Variants in LARP1B observed in about 807,000 individuals in gnomAD.
The protein encoded by LARP1B is La ribonucleoprotein 1B.
In LARP1B, 76 loss-of-function variants were observed where a neutral mutation model predicts 114.2. The observed-to-expected ratio is 0.67, with a 90% CI of 0.55 to 0.81. LARP1B has a LOEUF of 0.81. Among genes scored for constraint, LARP1B ranks in the 30% least tolerant of loss-of-function variants. LARP1B has a pLI of 0.00. For synonymous variants in LARP1B, 345 were observed against 348.0 expected (o/e 0.99, Z 0.10); for missense variants, 1,014 against 1,075.8 (o/e 0.94, Z 0.80).
intron 11 of LARP1B, among the ~76,000 whole-genome samples, chr4:128,137,690 A>G (rs1725979009): frequency 6.6e-6 from 1 of 151,530 alleles, no homozygotes; most frequent in East Asian, 1.9e-4. Flanking sequence ...CACCTCAAAC[A>G]TTTATCATTT....
downstream of LARP1B, among the ~76,000 whole-genome samples, chr4:128,214,111 G>A (rs1466394228): frequency 9.2e-5 from 13 of 141,544 alleles, no homozygotes; most frequent in East Asian, 6.1e-4. Flanking sequence ...AAAAAACGGC[G>A]CACCACGAGA....
chr4:128,062,058 C>T (rs1760351605), intron 1 of LARP1B: 2 of 985,360 alleles, frequency 2.0e-6, no homozygotes, highest in Middle Eastern at 5.2e-4. Context: ...CGGGATCCGC[C>T]GGCCGAGGAC....
At chr4:128,105,668 G>A (rs1024334155) in intron 8 of LARP1B, among the ~76,000 whole-genome samples, 1 of 152,104 alleles carries the variant, frequency 6.6e-6, no homozygotes, top group African/African-American at 2.4e-5. Flanking sequence ...GAGGCGGGTG[G>A]ATCATGAGGT....
Position 128,074,495 on chromosome 4 carries a change from C to G in LARP1B, c.-42C>G, listed in dbSNP as rs868333172. ...CCTCAAAATTATAAAGGCAGGAAAG[C>G]TCAAGACAAAGAAATCCAACAAGGT... On this transcript the variant is annotated 5_prime_UTR_variant, in exon 2 of 20. Transcript: ENST00000326639. The G allele has an allele frequency of 2.1e-6, 2 of 932,266 alleles. No individual in the cohort carries two copies. The highest frequency in any genetic ancestry group is 3.6e-5 in the African/African-American group (2 of 56,304). The allele number at this position is 932,266 out of a possible 1,614,324, so 57.7% of individuals were successfully genotyped here.
intron 7 of LARP1B, among the ~76,000 whole-genome samples, chr4:128,220,799 A>G (rs1204997137): frequency 6.6e-6 from 1 of 152,206 alleles, no homozygotes; most frequent in Non-Finnish European, 1.5e-5. Context: ...TAGTTAAGTC[A>G]CACAGCAAGT....
chr4:128,136,252 C>T (rs1273050489), intron 11 of LARP1B, among the ~76,000 whole-genome samples: 1 of 150,456 alleles, frequency 6.6e-6, no homozygotes, highest in African/African-American at 2.4e-5. Flanking sequence ...GAGATTGCGC[C>T]ATCGTACTTC....
At chr4:128,189,968 T>A (rs1751681705) in intron 15 of LARP1B, among the ~76,000 whole-genome samples, 1 of 152,262 alleles carries the variant, frequency 6.6e-6, no homozygotes, top group African/African-American at 2.4e-5. Flanking sequence ...GGATTACATG[T>A]AACAATTACT....
rs1758879589 is a variant in LARP1B, at chr4:128,210,969, G to A, written c.*916G>A. 2.1e-6 allele frequency: 2 copies of A among 936,182 alleles called. No homozygotes were observed. The highest frequency in any genetic ancestry group is 1.3e-6 in the Non-Finnish European group (1 of 785,154). The allele number at this position is 936,182 out of a possible 1,614,324, so 58.0% of individuals were successfully genotyped here. On this transcript the variant is annotated 3_prime_UTR_variant, in exon 20 of 20. Coordinates refer to ENST00000326639, the MANE Select transcript of LARP1B (RefSeq NM_018078.4). ...AGTCAGATTATCTTTAATTTAAAAT[G>A]AATACTTAGTTTTACCTTTTTGTTT... is the stretch of plus-strand genomic sequence containing the variant.
chr4:128,104,158 A>G (rs998991368), intron 8 of LARP1B, among the ~76,000 whole-genome samples: 1 of 151,848 alleles, frequency 6.6e-6, no homozygotes, highest in African/African-American at 2.4e-5. Flanking sequence ...TTTCCTATGT[A>G]TACGGTCAGG....
chr4:128,164,727 A>C (rs997196193), intron 12 of LARP1B, among the ~76,000 whole-genome samples: 1 of 152,200 alleles, frequency 6.6e-6, no homozygotes, highest in African/African-American at 2.4e-5. Flanking sequence ...CGGGAGGCCA[A>C]GGCAGGAGGA....
chr4:128,102,765 T>C (rs1780744144), intron 8 of LARP1B, among the ~76,000 whole-genome samples: 1 of 152,238 alleles, frequency 6.6e-6, no homozygotes, highest in Non-Finnish European at 1.5e-5. Context: ...ACGTAATATC[T>C]TCATGCTTCA....
chr4:128,148,208 A>G (rs767643751), intron 11 of LARP1B, among the ~76,000 whole-genome samples: 2 of 152,312 alleles, frequency 1.3e-5, no homozygotes, highest in African/African-American at 2.4e-5. Context: ...AGGCAGGTAG[A>G]TCACCTAAGG....
Position 128,121,940 on chromosome 4 carries a change from A to C in LARP1B, c.1276A>C (p.Asn426His), listed in dbSNP as rs559945023. Residue 426 changes from asparagine (N) to histidine (H), a missense_variant, in exon 11 of 20, where the codon AAC becomes CAC. By Grantham distance (68) the Asn-to-His change is moderately conservative (BLOSUM62 1). Coordinates refer to ENST00000326639, the MANE Select transcript of LARP1B (RefSeq NM_018078.4). ...DEEIEQIGRK[N>H]TFTDWSDNDS... Reference sequence around the variant, plus strand: ...AGAGATTGAACAAATAGGACGAAAAAACACATTTACTGATTGGTCTGATAA... The same window carrying C: ...AGAGATTGAACAAATAGGACGAAAACACACATTTACTGATTGGTCTGATAA... 5 of 1,612,892 alleles carry C rather than the reference A, an allele frequency of 3.1e-6. No individual in the cohort carries two copies. In the East Asian group the frequency reaches 1.1e-4, roughly 36 times the overall value.
At position 128,128,960 on chromosome 4, in the gene LARP1B, C is replaced by G. The variant is rs1452827550; in HGVS notation, c.1524+6772C>G. 3.9e-5 allele frequency among the ~76,000 whole-genome samples: 6 copies of G among 151,900 alleles called. No individual in the cohort carries two copies. In the East Asian group the frequency reaches 1.2e-3, roughly 29 times the overall value. ...TGGGCAGATCACGAGGTCAGGAGAT[C>G]GAGACCACCCTGGCTAACATGGTGA... On this transcript the variant is annotated intron_variant, in intron 11 of 19. Coordinates refer to ENST00000326639, the MANE Select transcript of LARP1B (RefSeq NM_018078.4).
At chr4:128,121,055 C>T (rs1050748286) in intron 10 of LARP1B, among the ~76,000 whole-genome samples, 1 of 151,992 alleles carries the variant, frequency 6.6e-6, no homozygotes, top group Non-Finnish European at 1.5e-5. Flanking sequence ...GTGATCCACC[C>T]GCCTCAGCGT....
intron 8 of LARP1B, among the ~76,000 whole-genome samples, chr4:128,099,918 G>C (rs1467294484): frequency 6.6e-6 from 1 of 151,940 alleles, no homozygotes; most frequent in Non-Finnish European, 1.5e-5. Flanking sequence ...TCAGTTTTTT[G>C]AATAATAGAT....
At chr4:128,083,204 C>T (rs941229816) in intron 5 of LARP1B, among the ~76,000 whole-genome samples, 15 of 152,162 alleles carry the variant, frequency 9.9e-5, no homozygotes, top group Admixed American at 2.6e-4. Context: ...GAAAAGTCTC[C>T]CATGTCTACT....
chr4:128,061,703 C>A, intron 1 of LARP1B: 1 of 984,880 alleles, frequency 1.0e-6, no homozygotes, highest in Non-Finnish European at 1.2e-6. Context: ...GATGTCTACT[C>A]GCGCCCCGAT....
At chr4:128,178,178 G>C (rs1049149968) in intron 13 of LARP1B, among the ~76,000 whole-genome samples, 1 of 151,298 alleles carries the variant, frequency 6.6e-6, no homozygotes, top group African/African-American at 2.4e-5. Context: ...AGGGAAATGG[G>C]ATTAGGGGAG....
Sources: gnomAD v4.1 joint callset for allele counts (sites outside exome capture counted in the v4.1 genomes callset) on GRCh38, gnomAD v4.1.1 for gene constraint, MANE v1.5 for transcripts, NCBI Gene and HGNC (gene_info 2026-07-23, HGNC 2026-07-21) for gene names.